FAM107B: variants seen among roughly 807,000 people sequenced by gnomAD.
FAM107B encodes the protein family with sequence similarity 107 member B, also known as protein FAM107B.
A neutral mutation model predicts 31.5 loss-of-function variants in FAM107B; 21 were observed. The ratio of observed to expected loss-of-function variants is 0.67; its 90% CI spans 0.47 to 0.96. The LOEUF (loss-of-function observed/expected upper bound fraction) is 0.96. FAM107B is among the 40% of genes least tolerant of loss of function. The probability of loss-of-function intolerance (pLI) is 0.00; values close to 1 mark genes in which losing one functional copy is unlikely to be tolerated. For missense variants in FAM107B, 452 were observed against 377.1 expected, an observed-to-expected ratio of 1.20 and a Z score of -1.64; for synonymous variants, 157 against 141.5, an observed-to-expected ratio of 1.11 and a Z score of -0.78.
At chr10:14,574,294 T>A (rs1011619832) in intron 2 of FAM107B, among the ~76,000 whole-genome samples, 2 of 152,238 alleles carry the variant, frequency 1.3e-5, no homozygotes, top group South Asian at 2.1e-4. Context: ...ACAATATGTA[T>A]GCACGGTGGA....
chr10:14,716,512 A>G (rs895044662), intron 1 of FAM107B, among the ~76,000 whole-genome samples: 2 of 152,232 alleles, frequency 1.3e-5, no homozygotes, highest in Admixed American at 6.5e-5. Flanking sequence ...CATGCTTTTC[A>G]GAAGTAACAC....
At chr10:14,522,560 C>A (rs528027793) in intron 3 of FAM107B, among the ~76,000 whole-genome samples, 1 of 152,036 alleles carries the variant, frequency 6.6e-6, no homozygotes, top group Non-Finnish European at 1.5e-5. Flanking sequence ...GGATTACAGG[C>A]GTGCACCACC....
chr10:14,761,034 A>AAAAAAAC (rs1554757192), intron 1 of FAM107B, among the ~76,000 whole-genome samples: 1 of 146,718 alleles, frequency 6.8e-6, no homozygotes, highest in Non-Finnish European at 1.5e-5. Context: ...AAAAAAAAAA[A>AAAAAAAC]AAGAAAGACA....
At chr10:14,622,214 G>GCAGA (rs993782862) in intron 2 of FAM107B, among the ~76,000 whole-genome samples, 7 of 152,054 alleles carry the variant, frequency 4.6e-5, no homozygotes, top group Non-Finnish European at 1.0e-4. Context: ...ACTGCCCTCA[G>GCAGA]CAGACTTACA....
intron 1 of FAM107B, among the ~76,000 whole-genome samples, chr10:14,734,623 T>C (rs1431126068): frequency 6.6e-6 from 1 of 152,108 alleles, no homozygotes; most frequent in Non-Finnish European, 1.5e-5. Flanking sequence ...TACCAGTGAT[T>C]ACTAAGAATG....
intron 2 of FAM107B, among the ~76,000 whole-genome samples, chr10:14,538,741 T>C (rs898626573): frequency 2.0e-5 from 3 of 152,198 alleles, no homozygotes; most frequent in Non-Finnish European, 4.4e-5. Flanking sequence ...AAAATTACTA[T>C]CCACAAGTCA....
intron 2 of FAM107B, among the ~76,000 whole-genome samples, chr10:14,557,892 A>G (rs75922908): frequency 0.025 from 3,780 of 152,362 alleles, 151 homozygotes; most frequent in African/African-American, 0.086. Context: ...CTCTTACTCG[A>G]TAGTTCATCC....
chr10:14,744,040 T>C (rs371843349), intron 1 of FAM107B, among the ~76,000 whole-genome samples: 19 of 152,318 alleles, frequency 1.2e-4, no homozygotes, highest in African/African-American at 4.1e-4. Context: ...GGGCAGTGGT[T>C]TGTAGTTCTC....
chr10:14,601,816 G>A (rs1852407772), intron 2 of FAM107B, among the ~76,000 whole-genome samples: 1 of 152,144 alleles, frequency 6.6e-6, no homozygotes, highest in Admixed American at 6.5e-5. Context: ...CTTTCCATCA[G>A]GAGAGAAGTC....
At chr10:14,547,906 G>C (rs1848851277) in intron 2 of FAM107B, among the ~76,000 whole-genome samples, 1 of 152,204 alleles carries the variant, frequency 6.6e-6, no homozygotes, top group Admixed American at 6.5e-5. Flanking sequence ...TCTCTGTCTG[G>C]GTCTTTGGAG....
At chr10:14,575,214 T>TA (rs1022231199) in intron 2 of FAM107B, among the ~76,000 whole-genome samples, 2 of 151,818 alleles carry the variant, frequency 1.3e-5, no homozygotes, top group African/African-American at 4.8e-5. Context: ...TTTTTTTGTT[T>TA]TTTTTTTGAG....
At chr10:14,673,760 T>C (rs1004966693) in intron 1 of FAM107B, among the ~76,000 whole-genome samples, 1 of 152,206 alleles carries the variant, frequency 6.6e-6, no homozygotes. Flanking sequence ...TTTCTCCGTA[T>C]CCTTTTCGGC....
At position 14,685,255 on chromosome 10, in the gene FAM107B, C is replaced by T. The variant is rs932446150; in HGVS notation, c.412-17564G>A. 1.0e-3 allele frequency among the ~76,000 whole-genome samples: 158 copies of T among 151,300 alleles called. 1 individual carries two copies. Among genetic ancestry groups the T allele is most frequent in the African/African-American group, 3.5e-3 (143 of 41,232 alleles). On this transcript the variant is annotated intron_variant, in intron 1 of 4. Coordinates refer to ENST00000181796, the MANE Select transcript of FAM107B (RefSeq NM_031453.4). ...CCTCCAACTCCTGGGCTCAAGCCAT[C>T]CTCCCACCTCAGCCTCCTGAGTAGC...
At chr10:14,694,479 G>A (rs1047063360) in intron 1 of FAM107B, among the ~76,000 whole-genome samples, 1 of 152,196 alleles carries the variant, frequency 6.6e-6, no homozygotes, top group Admixed American at 6.5e-5. Flanking sequence ...TGCCTCCTGG[G>A]TTCAAGCGAT....
intron 2 of FAM107B, among the ~76,000 whole-genome samples, chr10:14,533,980 G>A (rs1404314875): frequency 2.6e-5 from 4 of 152,188 alleles, no homozygotes; most frequent in African/African-American, 4.8e-5. Flanking sequence ...ACAGAAGTGC[G>A]TGTAGTGCAT....
In FAM107B at chr10:14,719,650, G is replaced by A. The variant is rs539297778; in HGVS notation, c.412-51959C>T. 1.7e-3 allele frequency among the ~76,000 whole-genome samples: 266 copies of A among 152,278 alleles called. 1 individual carries two copies. Among genetic ancestry groups the A allele is most frequent in the Non-Finnish European group, 2.8e-3 (188 of 68,024 alleles). ...CAATGGGAGGCACTAGGGGATTCGA[G>A]GGGGAGAGAAAGGAAAAGCCAGGGT... On this transcript the variant is annotated intron_variant, in intron 1 of 4. Transcript: ENST00000181796.
At chr10:14,768,170 T>C (rs1179511836) in intron 1 of FAM107B, among the ~76,000 whole-genome samples, 1 of 152,152 alleles carries the variant, frequency 6.6e-6, no homozygotes, top group Non-Finnish European at 1.5e-5. Flanking sequence ...ATATAATAAA[T>C]GGAAAATATC....
chr10:14,763,558 T>C (rs1159019456), intron 1 of FAM107B, among the ~76,000 whole-genome samples: 1 of 152,202 alleles, frequency 6.6e-6, no homozygotes, highest in African/African-American at 2.4e-5. Flanking sequence ...CTTCTGCCTA[T>C]AGAGACGCAA....
chr10:14,523,744 G>A (rs1845914712), intron 3 of FAM107B, among the ~76,000 whole-genome samples: 1 of 152,012 alleles, frequency 6.6e-6, no homozygotes, highest in Admixed American at 6.5e-5. Flanking sequence ...ATCCTCAATT[G>A]CATACTTCCT....
Sources: gnomAD v4.1 joint callset for allele counts (sites outside exome capture counted in the v4.1 genomes callset) on GRCh38, gnomAD v4.1.1 for gene constraint, MANE v1.5 for transcripts, NCBI Gene and HGNC (gene_info 2026-07-23, HGNC 2026-07-21) for gene names.